CCSER1: variants seen among roughly 807,000 people sequenced by gnomAD.
CCSER1 encodes the protein serine-rich coiled-coil domain-containing protein 1.
A neutral mutation model predicts 82.0 loss-of-function variants in CCSER1; 41 were observed. The ratio of observed to expected loss-of-function variants is 0.50; its 90% confidence interval spans 0.39 to 0.65. CCSER1 has a LOEUF of 0.65. CCSER1 is among the 30% of genes least tolerant of loss of function. The pLI is 0.00. For synonymous variants in CCSER1, 414 were observed against 383.9 expected, an observed-to-expected ratio of 1.08 and a Z score of -0.92; for missense variants, 1,119 against 1,064.2, an observed-to-expected ratio of 1.05 and a Z score of -0.72.
chr4:90,152,942 A>T (rs979317691), intron 1 of CCSER1, among the ~76,000 whole-genome samples: 6 of 150,578 alleles, frequency 4.0e-5, no homozygotes, highest in Non-Finnish European at 8.9e-5. Flanking sequence ...TGTGCAGGTT[A>T]GTTACATATG....
At chr4:90,588,288 C>T (rs1019968938) in intron 5 of CCSER1, among the ~76,000 whole-genome samples, 1 of 152,174 alleles carries the variant, frequency 6.6e-6, no homozygotes, top group Non-Finnish European at 1.5e-5. Context: ...AAATTGGAGT[C>T]AGTCCTCTTA....
intron 10 of CCSER1, among the ~76,000 whole-genome samples, chr4:91,443,567 A>G (rs1236071930): frequency 6.6e-6 from 1 of 150,554 alleles, no homozygotes; most frequent in African/African-American, 2.4e-5. Flanking sequence ...TGATGAGTTA[A>G]TGGGTGCAGC....
chr4:90,462,723 G>A (rs1763109558), intron 4 of CCSER1, among the ~76,000 whole-genome samples: 1 of 152,094 alleles, frequency 6.6e-6, no homozygotes, highest in Non-Finnish European at 1.5e-5. Context: ...TCCAGCTTGG[G>A]CGAATAATAA....
chr4:91,598,728 A>G lies in CCSER1; in HGVS notation c.2374A>G (p.Asn792Asp). ...TCQLPSLCLS[N>D]FLKDKELAEV... ...TCAACTCCCAAGTCTCTGTTTAAGTAATTTCCTGAAGGACAAGGAACTAGC... is the reference window on the plus strand; with the variant it reads ...TCAACTCCCAAGTCTCTGTTTAAGTGATTTCCTGAAGGACAAGGAACTAGC... The change falls in exon 11 of 11, where the codon AAT (asparagine) becomes GAT (aspartate). Residue 792 changes from asparagine (N) to aspartate (D), a missense_variant. Physicochemically the swap from Asn to Asp is conservative, Grantham distance 23. Coordinates refer to ENST00000509176, the MANE Select transcript of CCSER1 (RefSeq NM_001145065.2). 6.4e-7 allele frequency: 1 copy of G among 1,551,588 alleles called. No individual in the cohort carries two copies. The highest frequency in any genetic ancestry group is 8.7e-7 in the Non-Finnish European group (1 of 1,146,936).
At chr4:91,351,054 A>G (rs1748436075) in intron 10 of CCSER1, among the ~76,000 whole-genome samples, 1 of 152,026 alleles carries the variant, frequency 6.6e-6, no homozygotes, top group Non-Finnish European at 1.5e-5. Flanking sequence ...TATGATTTAA[A>G]GCAGCTTACT....
intron 3 of CCSER1, among the ~76,000 whole-genome samples, chr4:90,334,714 T>G (rs1740036584): frequency 6.6e-6 from 1 of 152,170 alleles, no homozygotes; most frequent in Non-Finnish European, 1.5e-5. Context: ...CAATTAAATC[T>G]ATTAGGGAGA....
intron 7 of CCSER1, among the ~76,000 whole-genome samples, chr4:90,785,264 C>T (rs1561131894): frequency 3.9e-5 from 6 of 152,044 alleles, no homozygotes. Context: ...TCTGGAACTC[C>T]TGGGCTCAAG....
chr4:90,962,115 G>A (rs920986343), intron 9 of CCSER1, among the ~76,000 whole-genome samples: 7 of 152,054 alleles, frequency 4.6e-5, no homozygotes, highest in Non-Finnish European at 1.0e-4. Flanking sequence ...TAGAAGTTCA[G>A]TAACTTGTCT....
chr4:91,557,163 C>G (rs1762444959), intron 10 of CCSER1, among the ~76,000 whole-genome samples: 1 of 151,350 alleles, frequency 6.6e-6, no homozygotes, highest in Non-Finnish European at 1.5e-5. Flanking sequence ...GAATATTGTT[C>G]AAGGATACAT....
At position 90,356,045 on chromosome 4, in the gene CCSER1, C is replaced by G. The variant is rs991212344; in HGVS notation, c.1509+42998C>G. 5.3e-5 allele frequency among the ~76,000 whole-genome samples: 8 copies of G among 151,882 alleles called. 1 individual carries two copies. Among genetic ancestry groups the G allele is most frequent in the African/African-American group, 1.9e-4 (8 of 41,400 alleles). On this transcript the variant is annotated intron_variant, in intron 3 of 10. Transcript: ENST00000509176. ...AAATTTTTAGCTGTATCATTTGATT[C>G]ACTTGACATCGTGTATCTTTATAAA...
intron 2 of CCSER1, among the ~76,000 whole-genome samples, chr4:90,309,908 G>A (rs148451051): frequency 1.6e-3 from 242 of 152,216 alleles, no homozygotes; most frequent in African/African-American, 5.6e-3. Flanking sequence ...AGAAGAAAGT[G>A]AATGGAAAGT....
intron 8 of CCSER1, among the ~76,000 whole-genome samples, chr4:90,922,161 T>G (rs1728481874): frequency 6.6e-6 from 1 of 152,082 alleles, no homozygotes; most frequent in Non-Finnish European, 1.5e-5. Context: ...CATAAAATAT[T>G]TCTTTTCTAT....
chr4:90,960,194 A>G (rs1267898467), intron 9 of CCSER1, among the ~76,000 whole-genome samples: 1 of 152,030 alleles, frequency 6.6e-6, no homozygotes, highest in Non-Finnish European at 1.5e-5. Context: ...TAAAAAAAGG[A>G]TTTTACGTAA....
intron 10 of CCSER1, among the ~76,000 whole-genome samples, chr4:91,100,866 A>G (rs1724990181): frequency 6.6e-6 from 1 of 152,178 alleles, no homozygotes; most frequent in South Asian, 2.1e-4. Context: ...TAGTAGATCT[A>G]CTTCAGTAAG....
chr4:90,457,314 T>C (rs1762304441), intron 4 of CCSER1, among the ~76,000 whole-genome samples: 1 of 152,150 alleles, frequency 6.6e-6, no homozygotes, highest in African/African-American at 2.4e-5. Context: ...GCCTCAACTT[T>C]TCTCTCCTCT....
intron 1 of CCSER1, among the ~76,000 whole-genome samples, chr4:90,190,930 T>C (rs1350809815): frequency 6.6e-6 from 1 of 152,146 alleles, no homozygotes; most frequent in Non-Finnish European, 1.5e-5. Flanking sequence ...AAATATAAAC[T>C]TTATATGTAA....
intron 10 of CCSER1, among the ~76,000 whole-genome samples, chr4:91,371,527 A>ATAG (rs1211991653): frequency 6.6e-6 from 1 of 152,126 alleles, no homozygotes; most frequent in African/African-American, 2.4e-5. Context: ...TAATTGCTGA[A>ATAG]TAGTATCCCA....
intron 9 of CCSER1, among the ~76,000 whole-genome samples, chr4:91,032,242 A>AT (rs983265547): frequency 1.3e-5 from 2 of 152,130 alleles, no homozygotes; most frequent in African/African-American, 4.8e-5. Context: ...GTTAACATGC[A>AT]TTTTTTGGTA....
intron 1 of CCSER1, among the ~76,000 whole-genome samples, chr4:90,251,099 A>G (rs1380502440): frequency 2.6e-5 from 4 of 151,852 alleles, no homozygotes; most frequent in Non-Finnish European, 4.4e-5. Context: ...GTGTATGTGT[A>G]TGTGTGTTCC....
Sources: allele counts gnomAD v4.1 joint callset (sites outside exome capture counted in the v4.1 genomes callset), GRCh38; gene constraint gnomAD v4.1.1; transcripts MANE v1.5; gene names NCBI Gene and HGNC (gene_info 2026-07-23, HGNC 2026-07-21).